The following PPP2R2B variants were observed in gnomAD, a reference collection of about 807,000 sequenced individuals.
PPP2R2B encodes serine/threonine-protein phosphatase 2A 55 kDa regulatory subunit B beta isoform.
Under a neutral mutation model 46.0 loss-of-function variants are expected in PPP2R2B, and 5 were observed. The ratio of observed to expected loss-of-function variants is 0.11; its 90% CI spans 0.06 to 0.23. The LOEUF is 0.23. Ranked by LOEUF, PPP2R2B falls within the 10% of genes least tolerant of loss-of-function variation. PPP2R2B has a pLI of 1.00. For synonymous variants in PPP2R2B, 215 were observed against 206.7 expected (o/e 1.04, Z -0.34); for missense variants, 367 against 575.0 (o/e 0.64, Z 3.70).
chr5:146,872,279 C>T (rs973619645), intron 2 of PPP2R2B, among the ~76,000 whole-genome samples: 2 of 152,270 alleles, frequency 1.3e-5, no homozygotes, highest in African/African-American at 4.8e-5. Flanking sequence ...GAACATTTCC[C>T]ATCCCCAGAA....
chr5:146,827,981 G>A (rs17105409), intron 2 of PPP2R2B, among the ~76,000 whole-genome samples: 23,230 of 151,608 alleles, frequency 0.15, 2,218 homozygotes, highest in East Asian at 0.43. Context: ...AGAATTGGGA[G>A]TCTCCATGGC....
chr5:146,595,875 C>T lies in PPP2R2B; in HGVS notation c.961-2813G>A, dbSNP rs115326728. ...ATTAATTTGTGCATGGGATTTTGGA[C>T]GCCAGACTGAGTGTCCCAGTACAGT... On this transcript the variant is annotated intron_variant, in intron 8 of 9. Transcript: ENST00000394411. Among the ~76,000 whole-genome samples, 1,211 of 152,236 alleles carry T rather than the reference C, an allele frequency of 8.0e-3. 18 individuals are homozygous for T. Among genetic ancestry groups the T allele is most frequent in the African/African-American group, 0.027 (1,128 of 41,526 alleles).
In PPP2R2B at chr5:146,639,272, ATCCAGTTG is replaced by A. The variant is rs141020149; in HGVS notation, c.626-865_626-858del. Among the ~76,000 whole-genome samples the A allele has an allele frequency of 9.3e-4, 142 of 152,298 alleles. 2 individuals are homozygous for A. In the East Asian group the frequency reaches 0.016, roughly 18 times the overall value. On this transcript the variant is annotated intron_variant, in intron 6 of 9. Transcript: ENST00000394411. The stretch of plus-strand genomic sequence containing the variant: ...AGTTTTTAAGTATCAGAAACAAGCC[ATCCAGTTG>A]GAAAGTTTTAGGGTCCCGTGGAAAA...
At chr5:146,752,114 A>G (rs1753592099) in intron 2 of PPP2R2B, among the ~76,000 whole-genome samples, 1 of 152,084 alleles carries the variant, frequency 6.6e-6, no homozygotes, top group African/African-American at 2.4e-5. Flanking sequence ...TTATTAGAAA[A>G]GTCCAAGTGA....
rs1476539433 is a variant in PPP2R2B, at chr5:146,812,822, T to TATAC, written c.70+65179_70+65180insGTAT. On this transcript the variant is annotated intron_variant, in intron 2 of 9. Transcript: ENST00000394411. ...ATATATATATATATATATATATATATATATATACACACACATTTCCATTAT... is the reference window on the plus strand; with the variant it reads ...ATATATATATATATATATATATATATATACATATATACACACACATTTCCATTAT... Among the ~76,000 whole-genome samples the TATAC allele has an allele frequency of 3.3e-5, 3 of 90,716 alleles. No homozygotes were observed. The East Asian group carries it at 1.0e-3, about 31-fold the overall frequency. The allele number at this position is 90,716 out of a possible 152,430, so 59.5% of individuals were successfully genotyped here.
intron 5 of PPP2R2B, among the ~76,000 whole-genome samples, chr5:146,658,199 C>A (rs1776459218): frequency 6.6e-6 from 1 of 152,140 alleles, no homozygotes; most frequent in Non-Finnish European, 1.5e-5. Context: ...TACGGAAACC[C>A]TGACCCTGGT....
intron 2 of PPP2R2B, among the ~76,000 whole-genome samples, chr5:146,778,457 ATGCAG>A (rs1755318483): frequency 6.6e-6 from 1 of 152,194 alleles, no homozygotes; most frequent in African/African-American, 2.4e-5. Flanking sequence ...AACCTCAAAT[ATGCAG>A]CCTACTCAGA....
chr5:146,967,113 G>C (rs1237787141), intron 1 of PPP2R2B, among the ~76,000 whole-genome samples: 2 of 152,184 alleles, frequency 1.3e-5, no homozygotes, highest in Non-Finnish European at 2.9e-5. Context: ...CCCAGGTCTT[G>C]TCTAATTCCA....
intron 4 of PPP2R2B, among the ~76,000 whole-genome samples, chr5:146,696,132 C>T (rs1223331923): frequency 3.4e-5 from 5 of 149,000 alleles, no homozygotes; most frequent in Non-Finnish European, 7.4e-5. Flanking sequence ...GAGATGGAGT[C>T]TTGCTCTGTC....
intron 5 of PPP2R2B, among the ~76,000 whole-genome samples, chr5:146,652,285 C>G (rs1028179240): frequency 6.6e-6 from 1 of 152,160 alleles, no homozygotes; most frequent in Non-Finnish European, 1.5e-5. Context: ...CTCTCACTAT[C>G]GCAAAGGGTG....
chr5:146,852,956 T>G (rs1760438775), intron 2 of PPP2R2B, among the ~76,000 whole-genome samples: 1 of 152,154 alleles, frequency 6.6e-6, no homozygotes, highest in African/African-American at 2.4e-5. Flanking sequence ...AGAGGCAAGA[T>G]TCTTCAAAGG....
At chr5:146,649,825 G>C (rs920357887) in intron 6 of PPP2R2B, among the ~76,000 whole-genome samples, 3 of 152,038 alleles carry the variant, frequency 2.0e-5, no homozygotes, top group Non-Finnish European at 4.4e-5. Flanking sequence ...TATGTCCTTG[G>C]GGGTAGAAAT....
chr5:146,654,778 CG>C lies in PPP2R2B; in HGVS notation c.448-4055del, dbSNP rs1581801279. 2.6e-5 allele frequency among the ~76,000 whole-genome samples: 4 copies of C among 152,262 alleles called. No individual in the cohort carries two copies. In the East Asian group the frequency reaches 5.8e-4, roughly 22 times the overall value. The stretch of plus-strand genomic sequence containing the variant: ...AGCACCTTGTCCATGGTCACCCTTC[CG>C]GGGTTGCTTGCACAGCCTAGGTCTC... On this transcript the variant is annotated intron_variant, in intron 5 of 9. Transcript: ENST00000394411.
intron 2 of PPP2R2B, among the ~76,000 whole-genome samples, chr5:146,829,934 G>A (rs889387113): frequency 6.6e-6 from 1 of 152,076 alleles, no homozygotes; most frequent in Non-Finnish European, 1.5e-5. Context: ...TGTAAACCTG[G>A]GCAAGCTTTT....
chr5:146,852,643 T>C (rs547379245), intron 2 of PPP2R2B, among the ~76,000 whole-genome samples: 9 of 152,144 alleles, frequency 5.9e-5, no homozygotes, highest in Non-Finnish European at 1.3e-4. Flanking sequence ...TGCCAAAAGA[T>C]TGTGTGACCA....
chr5:146,608,244 G>A (rs928060148), intron 7 of PPP2R2B, among the ~76,000 whole-genome samples: 9 of 152,172 alleles, frequency 5.9e-5, no homozygotes, highest in Non-Finnish European at 1.0e-4. Flanking sequence ...AGCACCATGA[G>A]ATCATGTAGA....
At chr5:147,063,185 C>T (rs948665846) in intron 2 of PPP2R2B, among the ~76,000 whole-genome samples, 1 of 151,932 alleles carries the variant, frequency 6.6e-6, no homozygotes, top group Admixed American at 6.6e-5. Context: ...ACTCTCACAC[C>T]TAAATGGAAC....
intron 1 of PPP2R2B, among the ~76,000 whole-genome samples, chr5:146,911,975 C>T (rs553046819): frequency 2.0e-5 from 3 of 152,256 alleles, no homozygotes; most frequent in South Asian, 2.1e-4. Flanking sequence ...CAGTGGCCCA[C>T]GCCTGTAATC....
intron 5 of PPP2R2B, among the ~76,000 whole-genome samples, chr5:146,665,901 C>T (rs141867350): frequency 1.3e-5 from 2 of 152,314 alleles, no homozygotes; most frequent in Non-Finnish European, 2.9e-5. Flanking sequence ...GAAATGAGCA[C>T]ATGCTGCTCG....
Sources: allele counts gnomAD v4.1 joint callset (sites outside exome capture counted in the v4.1 genomes callset), GRCh38; gene constraint gnomAD v4.1.1; transcripts MANE v1.5; gene names NCBI Gene and HGNC (gene_info 2026-07-23, HGNC 2026-07-21).